Variants in BRINP2 observed in about 807,000 individuals in gnomAD.
BRINP2 encodes BMP/retinoic acid inducible neural specific 2.
In BRINP2, 21 loss-of-function variants were observed where a neutral mutation model predicts 69.2. The ratio of observed to expected loss-of-function variants is 0.30; its 90% confidence interval spans 0.22 to 0.44. BRINP2 has a LOEUF of 0.44. BRINP2 is among the 20% of genes least tolerant of loss of function. The pLI is 1.00. For missense variants in BRINP2, 877 were observed against 986.0 expected (o/e 0.89, Z 1.48); for synonymous variants, 380 against 394.1 (o/e 0.96, Z 0.42).
intron 5 of BRINP2, among the ~76,000 whole-genome samples, chr1:177,275,481 A>G (rs1480163599): frequency 6.6e-6 from 1 of 152,258 alleles, no homozygotes; most frequent in African/African-American, 2.4e-5. Flanking sequence ...AGACAAGGGC[A>G]GGATCTGACA....
At chr1:177,250,946 T>A (rs1015306892) in intron 2 of BRINP2, among the ~76,000 whole-genome samples, 1 of 152,266 alleles carries the variant, frequency 6.6e-6, no homozygotes, top group South Asian at 2.1e-4. Flanking sequence ...TTCCCCCTTA[T>A]ATGGTGTTTT....
chr1:177,265,741 A>G (rs1651097045), intron 4 of BRINP2, among the ~76,000 whole-genome samples: 2 of 152,158 alleles, frequency 1.3e-5, no homozygotes, highest in South Asian at 4.1e-4. Context: ...ACAAGTTGCC[A>G]AACTTCTCAG....
intron 1 of BRINP2, among the ~76,000 whole-genome samples, chr1:177,212,794 C>T (rs1649265565): frequency 6.6e-6 from 1 of 152,146 alleles, no homozygotes; most frequent in Non-Finnish European, 1.5e-5. Context: ...GTTCCAGGCT[C>T]ATATTATGCT....
intron 1 of BRINP2, among the ~76,000 whole-genome samples, chr1:177,204,382 T>C (rs978247994): frequency 6.6e-6 from 1 of 151,772 alleles, no homozygotes; most frequent in Non-Finnish European, 1.5e-5. Flanking sequence ...GGGTAAAGTA[T>C]ACAGCAAGAG....
chr1:177,256,223 G>C (rs1323756198), intron 3 of BRINP2, 114 bp downstream of exon 3: 4 of 1,430,174 alleles, frequency 2.8e-6, no homozygotes, highest in Non-Finnish European at 3.7e-6. Context: ...TTTATTGCCT[G>C]AGAAGTCTTT....
intron 1 of BRINP2, among the ~76,000 whole-genome samples, chr1:177,219,915 A>G (rs1277968922): frequency 6.6e-6 from 1 of 152,228 alleles, no homozygotes; most frequent in African/African-American, 2.4e-5. Context: ...AAGCAACAGA[A>G]GCCAGTCTGC....
At chr1:177,253,391 G>A (rs1214566409) in intron 2 of BRINP2, among the ~76,000 whole-genome samples, 2 of 151,920 alleles carry the variant, frequency 1.3e-5, no homozygotes, top group Admixed American at 1.3e-4. Context: ...TAAAAAAAAT[G>A]TTCTTTTGCT....
chr1:177,207,180 T>C (rs1427179283), intron 1 of BRINP2, among the ~76,000 whole-genome samples: 2 of 152,114 alleles, frequency 1.3e-5, no homozygotes, highest in African/African-American at 4.8e-5. Context: ...CTTTTCTAAG[T>C]AAAGGGTTAT....
intron 6 of BRINP2, among the ~76,000 whole-genome samples, 197 bp from the exon 7 acceptor site, chr1:177,278,366 G>A (rs1046656727): frequency 8.7e-5 from 13 of 148,696 alleles, no homozygotes; most frequent in African/African-American, 3.4e-4. Context: ...AGTTCCCGAG[G>A]CCATATTTTA....
chr1:177,205,337 C>T lies in BRINP2; in HGVS notation c.-76-24464C>T, dbSNP rs565774987. Among the ~76,000 whole-genome samples the T allele has an allele frequency of 2.6e-5, 4 of 152,226 alleles. No homozygotes were observed. In the East Asian group the frequency reaches 5.8e-4, roughly 22 times the overall value. On this transcript the variant is annotated intron_variant, in intron 1 of 7. Coordinates refer to ENST00000361539, the MANE Select transcript of BRINP2 (RefSeq NM_021165.4). ...TGTATTTTTAGTAGAGACAGAGTTTCGCCACATTGGCCAGGCTGGTTTCGA... is the reference window on the plus strand; with the variant it reads ...TGTATTTTTAGTAGAGACAGAGTTTTGCCACATTGGCCAGGCTGGTTTCGA...
chr1:177,209,617 C>G (rs1649166657), intron 1 of BRINP2, among the ~76,000 whole-genome samples: 1 of 152,168 alleles, frequency 6.6e-6, no homozygotes, highest in African/African-American at 2.4e-5. Context: ...AGCTCCGCCT[C>G]ACGCAAGTGG....
At chr1:177,213,107 C>G (rs1197685011) in intron 1 of BRINP2, among the ~76,000 whole-genome samples, 1 of 152,144 alleles carries the variant, frequency 6.6e-6, no homozygotes, top group East Asian at 1.9e-4. Flanking sequence ...ATCATTTGTT[C>G]CATGATGTGT....
chr1:177,247,414 T>G (rs1416340326), intron 2 of BRINP2, among the ~76,000 whole-genome samples: 2 of 152,218 alleles, frequency 1.3e-5, no homozygotes, highest in African/African-American at 4.8e-5. Flanking sequence ...GTTGACAGTT[T>G]AAGTAGACAA....
At chr1:177,220,471 T>A (rs1355839613) in intron 1 of BRINP2, among the ~76,000 whole-genome samples, 1 of 152,100 alleles carries the variant, frequency 6.6e-6, no homozygotes, top group African/African-American at 2.4e-5. Flanking sequence ...CTCCTGCTTT[T>A]GCCATGTGAT....
intron 1 of BRINP2, among the ~76,000 whole-genome samples, chr1:177,175,355 C>T (rs1187019881): frequency 1.3e-5 from 2 of 152,078 alleles, no homozygotes; most frequent in East Asian, 1.9e-4. Context: ...CTCAGCTGGG[C>T]AGGAGAGGGG....
rs138608629 is a variant in BRINP2 at position 177,190,036 on chromosome 1, C to G, written c.-77+18304C>G. On this transcript the variant is annotated intron_variant, in intron 1 of 7. Transcript: ENST00000361539. ...CCCTTACATCTCATTGTCCTCCTTT[C>G]TGGAACTCAGTTAACAATGGACAGG... 3.3e-5 allele frequency among the ~76,000 whole-genome samples: 5 copies of G among 152,252 alleles called. No homozygotes were observed. In the East Asian group the frequency reaches 9.7e-4, roughly 29 times the overall value.
At chr1:177,256,312 AG>A in intron 3 of BRINP2, 2 of 984,850 alleles carry the variant, frequency 2.0e-6, no homozygotes, top group Non-Finnish European at 2.4e-6. Flanking sequence ...TTCCCTGAGG[AG>A]GGGAAGTTGG....
intron 2 of BRINP2, among the ~76,000 whole-genome samples, chr1:177,244,556 G>A (rs1650314998): frequency 6.6e-6 from 1 of 152,106 alleles, no homozygotes; most frequent in Non-Finnish European, 1.5e-5. Context: ...CTTAAACCTG[G>A]GAGACAGAGA....
At chr1:177,196,294 G>T (rs562259268) in intron 1 of BRINP2, among the ~76,000 whole-genome samples, 1 of 152,140 alleles carries the variant, frequency 6.6e-6, no homozygotes, top group Non-Finnish European at 1.5e-5. Context: ...GCACTGACTC[G>T]TTTAAGGAGG....
Sources: gnomAD v4.1 joint callset for allele counts (sites outside exome capture counted in the v4.1 genomes callset) on GRCh38, gnomAD v4.1.1 for gene constraint, MANE v1.5 for transcripts, NCBI Gene and HGNC (gene_info 2026-07-23, HGNC 2026-07-21) for gene names.